The following CSMD2 variants were observed in gnomAD, a reference collection of about 807,000 sequenced individuals.
CSMD2 encodes the protein CUB and Sushi multiple domains 2.
Under a neutral mutation model 398.5 loss-of-function variants are expected in CSMD2, and 130 were observed. The ratio of observed to expected loss-of-function variants is 0.33; its 90% CI spans 0.28 to 0.38. CSMD2 has a LOEUF of 0.38. Ranked by LOEUF, CSMD2 falls within the 10% of genes least tolerant of loss-of-function variation. The probability of loss-of-function intolerance (pLI) is 1.00; values close to 1 mark genes in which losing one functional copy is unlikely to be tolerated. For synonymous variants in CSMD2, 1,828 were observed against 1,908.5 expected (o/e 0.96, Z 1.10); for missense variants, 3,829 against 4,764.9 (o/e 0.80, Z 5.78).
At chr1:33,907,512 G>A (rs1643174422) in intron 5 of CSMD2, among the ~76,000 whole-genome samples, 1 of 152,024 alleles carries the variant, frequency 6.6e-6, no homozygotes. Context: ...GAATGAATGG[G>A]GAGAGAAGAC....
At chr1:33,818,752 T>C (rs569067968) in intron 9 of CSMD2, among the ~76,000 whole-genome samples, 1 of 152,236 alleles carries the variant, frequency 6.6e-6, no homozygotes, top group Non-Finnish European at 1.5e-5. Context: ...GACACTCTTC[T>C]AGATTACTTA....
intron 9 of CSMD2, among the ~76,000 whole-genome samples, chr1:33,816,792 A>G (rs1386527055): frequency 6.6e-6 from 1 of 152,182 alleles, no homozygotes; most frequent in Non-Finnish European, 1.5e-5. Flanking sequence ...CATATTGTTC[A>G]TTCATTTCAA....
At chr1:33,760,814 C>T (rs187647373) in intron 13 of CSMD2, among the ~76,000 whole-genome samples, 103 of 152,152 alleles carry the variant, frequency 6.8e-4, no homozygotes, top group Admixed American at 1.7e-3. Context: ...GCTGTCTCCA[C>T]GCATGCTTCT....
chr1:33,667,091 A>G (rs1644342228), intron 25 of CSMD2, among the ~76,000 whole-genome samples: 1 of 152,174 alleles, frequency 6.6e-6, no homozygotes, highest in South Asian at 2.1e-4. Flanking sequence ...CAGCTGATTG[A>G]GAGAGGGAAG....
intron 5 of CSMD2, among the ~76,000 whole-genome samples, chr1:33,866,996 C>G (rs1296633595): frequency 2.0e-5 from 3 of 152,226 alleles, no homozygotes; most frequent in East Asian, 1.9e-4. Flanking sequence ...GTTCCATAAT[C>G]CTTTCCTCCT....
chr1:33,546,125 G>T lies in CSMD2; in HGVS notation c.9012C>A (p.Ser3004Arg). ...SFDPGTVMRF[S>R]CEAGHVLRGS... is the part of the protein sequence containing the mutation. Reference sequence around the variant, plus strand: ...CCCGGAGCACGTGGCCAGCTTCACAGCTGAAGCGCATCACAGTGCCTGGAT... The same window carrying T: ...CCCGGAGCACGTGGCCAGCTTCACATCTGAAGCGCATCACAGTGCCTGGAT... Residue 3004 changes from serine to arginine, a missense_variant, in exon 57 of 71, where the codon AGC becomes AGA. Around this residue, in one of 5 missense-constraint regions of CSMD2, gnomAD observed 917 missense variants for 1,199.5 expected, o/e 0.76. Transcript: ENST00000373381. The T allele has an allele frequency of 2.5e-6, 4 of 1,614,186 alleles. No individual in the cohort carries two copies. Among genetic ancestry groups the T allele is most frequent in the Non-Finnish European group, 3.4e-6 (4 of 1,180,022 alleles).
chr1:33,555,819 T>C (rs397397), intron 55 of CSMD2, among the ~76,000 whole-genome samples: 2 of 152,252 alleles, frequency 1.3e-5, no homozygotes, highest in Admixed American at 6.5e-5. Flanking sequence ...ACTAAAAAAT[T>C]TGTGTGACTT....
rs768495692 is a variant in CSMD2 at position 33,587,116 on chromosome 1, G to A, written c.6909C>T (p.Val2303=). The change falls in exon 45 of 71, where the codon GTC becomes GTT. Residue 2303 remains valine (V), a synonymous_variant. Transcript: ENST00000373381. ...TATTGAATTCTTCATTCTCTGTGAC[G>A]ACTTCGGCGTTGGGGAGGATGGTGG... ...PPPTILPNAE[V]VTENEEFNIG... is the part of the protein sequence containing the mutation. 14 of 1,609,520 alleles carry A rather than the reference G, an allele frequency of 8.7e-6. No homozygotes were observed. Among genetic ancestry groups the A allele is most frequent in the Admixed American group, 6.7e-5 (4 of 59,496 alleles).
In CSMD2 at chr1:33,864,311, G is replaced by A. The variant is rs534711093; in HGVS notation, c.921-17315C>T. 3 of 1,613,852 alleles carry A rather than the reference G, an allele frequency of 1.9e-6. No individual in the cohort carries two copies. In the African/African-American group the frequency reaches 4.0e-5, roughly 22 times the overall value. On this transcript the variant is annotated intron_variant, in intron 5 of 70. Coordinates refer to ENST00000373381, the MANE Select transcript of CSMD2 (RefSeq NM_001281956.2). ...CAAATACCTATGTTGGCTTTAAAGA[G>A]TTCTCTAGAAAGTGTTCGGAAAAAT...
intron 13 of CSMD2, among the ~76,000 whole-genome samples, chr1:33,757,616 G>A (rs1416378285): frequency 6.6e-6 from 1 of 152,104 alleles, no homozygotes; most frequent in South Asian, 2.1e-4. Flanking sequence ...CCACACTCCA[G>A]ACTTGAGGCA....
Position 34,058,283 on chromosome 1 carries a change from G to A in CSMD2, c.405-25577C>T, listed in dbSNP as rs117484646. On this transcript the variant is annotated intron_variant, in intron 2 of 70. Coordinates refer to ENST00000373381, the MANE Select transcript of CSMD2 (RefSeq NM_001281956.2). ...TCCTTGTTTCCACACCTGCAAAATG[G>A]AGATGACAGTACCTACCCCAGATGA... Among the ~76,000 whole-genome samples the A allele has an allele frequency of 8.7e-4, 132 of 152,230 alleles. 2 individuals are homozygous for A. The East Asian group carries it at 0.012, about 14-fold the overall frequency.
chr1:33,811,978 T>C (rs996770536), intron 9 of CSMD2, among the ~76,000 whole-genome samples: 1 of 152,154 alleles, frequency 6.6e-6, no homozygotes, highest in African/African-American at 2.4e-5. Flanking sequence ...TGGGGCCAAA[T>C]ATCCTAGAGC....
At chr1:34,165,470 A>G (rs1331652751), upstream of CSMD2, among the ~76,000 whole-genome samples, 2 of 152,070 alleles carry the variant, frequency 1.3e-5, no homozygotes, top group African/African-American at 2.4e-5. Flanking sequence ...ATAAACCACA[A>G]ATTACATCTA....
chr1:33,845,428 G>A (rs1162633659), intron 6 of CSMD2, among the ~76,000 whole-genome samples: 1 of 152,254 alleles, frequency 6.6e-6, no homozygotes, highest in Non-Finnish European at 1.5e-5. Context: ...TGCCAGGCTT[G>A]GGTTCTTGTC....
intron 25 of CSMD2, among the ~76,000 whole-genome samples, chr1:33,680,381 C>T (rs1229024055): frequency 6.6e-6 from 1 of 152,038 alleles, no homozygotes; most frequent in Non-Finnish European, 1.5e-5. Context: ...TCCTGCTTTC[C>T]CTGCCACAGG....
intron 1 of CSMD2, among the ~76,000 whole-genome samples, chr1:34,098,846 C>T (rs74068049): frequency 0.063 from 9,637 of 151,844 alleles, 872 homozygotes; most frequent in African/African-American, 0.2. Context: ...ATTATCTGAC[C>T]GTGATTTTTT....
rs537171280 is a variant in CSMD2, at chr1:33,554,387, G to T, written c.8743+3347C>A. On this transcript the variant is annotated intron_variant, in intron 55 of 70. Coordinates refer to ENST00000373381, the MANE Select transcript of CSMD2 (RefSeq NM_001281956.2). ...TTTTTTGTATTTTAGTAGAGATGGG[G>T]TTTCACCATGTTGGCCAGGATGGTC... 2.0e-5 allele frequency among the ~76,000 whole-genome samples: 3 copies of T among 152,018 alleles called. No individual in the cohort carries two copies. The South Asian group carries it at 6.3e-4, about 32-fold the overall frequency.
At chr1:33,611,008 C>T (rs1640962831) in intron 41 of CSMD2, 33 bp downstream of exon 41, 21 of 1,596,796 alleles carry the variant, frequency 1.3e-5, no homozygotes, top group Non-Finnish European at 1.8e-5. Flanking sequence ...TGGAGATAGA[C>T]AGAGAAGCAA....
At chr1:33,865,344 G>A (rs1417738727) in intron 5 of CSMD2, among the ~76,000 whole-genome samples, 1 of 151,318 alleles carries the variant, frequency 6.6e-6, no homozygotes, top group Non-Finnish European at 1.5e-5. Flanking sequence ...AGTGGGGCCA[G>A]GGTGAACTCC....
Sources: allele counts gnomAD v4.1 joint callset (sites outside exome capture counted in the v4.1 genomes callset), GRCh38; gene constraint gnomAD v4.1.1; regional missense constraint gnomAD v4.1.1; transcripts MANE v1.5; gene names NCBI Gene and HGNC (gene_info 2026-07-23, HGNC 2026-07-21).